ZBTB16: variants seen among roughly 807,000 people sequenced by gnomAD.
ZBTB16 encodes the protein zinc finger and BTB domain containing 16.
Under a neutral mutation model 56.8 loss-of-function variants are expected in ZBTB16, and 8 were observed. The observed-to-expected ratio is 0.14, with a 90% CI of 0.08 to 0.25. ZBTB16 has a LOEUF of 0.25. Ranked by LOEUF, ZBTB16 falls within the 10% of genes least tolerant of loss-of-function variation. The probability of loss-of-function intolerance (pLI) is 1.00; values close to 1 mark genes in which losing one functional copy is unlikely to be tolerated. For synonymous variants in ZBTB16, 363 were observed against 368.5 expected, an observed-to-expected ratio of 0.98 and a Z score of 0.17; for missense variants, 625 against 903.0, an observed-to-expected ratio of 0.69 and a Z score of 3.95.
chr11:114,161,036 G>A (rs1319127007), intron 3 of ZBTB16, among the ~76,000 whole-genome samples: 1 of 152,136 alleles, frequency 6.6e-6, no homozygotes, highest in Admixed American at 6.5e-5. Context: ...CCCCTTTTGG[G>A]GATCTGGCAT....
intron 3 of ZBTB16, among the ~76,000 whole-genome samples, chr11:114,161,522 A>G (rs568807204): frequency 2.6e-5 from 4 of 152,252 alleles, no homozygotes; most frequent in Admixed American, 1.3e-4. Context: ...GAAATCTAGG[A>G]GAAATTCAGA....
At chr11:114,093,032 A>G (rs1201191780) in intron 2 of ZBTB16, among the ~76,000 whole-genome samples, 2 of 152,204 alleles carry the variant, frequency 1.3e-5, no homozygotes. Context: ...CTTTTAAAGA[A>G]GATTAAAAAA....
intron 2 of ZBTB16, among the ~76,000 whole-genome samples, chr11:114,087,367 C>A (rs1052296428): frequency 6.6e-6 from 1 of 152,134 alleles, no homozygotes; most frequent in African/African-American, 2.4e-5. Flanking sequence ...TTCACACATT[C>A]TTTTCCAGTA....
At chr11:114,207,169 G>GTC (rs1041574874) in intron 4 of ZBTB16, among the ~76,000 whole-genome samples, 84 of 152,102 alleles carry the variant, frequency 5.5e-4, no homozygotes, top group Non-Finnish European at 8.8e-4. Context: ...CTGCTCTTGC[G>GTC]TCTCTCTCTC....
Position 114,256,742 on chromosome 11 carries a change from A to T in ZBTB16, c.*6187A>T, listed in dbSNP as rs763625165. Among the ~76,000 whole-genome samples, 44 of 152,138 alleles carry T rather than the reference A, an allele frequency of 2.9e-4. No individual in the cohort carries two copies. Among genetic ancestry groups the T allele is most frequent in the Non-Finnish European group, 4.6e-4 (31 of 68,020 alleles). On this transcript the variant is annotated 3_prime_UTR_variant, in exon 7 of 7. Coordinates refer to ENST00000335953, the MANE Select transcript of ZBTB16 (RefSeq NM_006006.6). Reference sequence around the variant, plus strand: ...CCGTGCAAGCTCTGCATTGTCATGGACGGAATAAAGGATTTCCACAACACT... The same window carrying T: ...CCGTGCAAGCTCTGCATTGTCATGGTCGGAATAAAGGATTTCCACAACACT...
intron 4 of ZBTB16, among the ~76,000 whole-genome samples, chr11:114,211,780 GA>G (rs899107982): frequency 6.6e-6 from 1 of 152,198 alleles, no homozygotes; most frequent in Non-Finnish European, 1.5e-5. Context: ...TGCAGTGGGG[GA>G]TTGGGAGGGC....
At chr11:114,111,279 G>A (rs1432337472) in intron 2 of ZBTB16, among the ~76,000 whole-genome samples, 1 of 152,068 alleles carries the variant, frequency 6.6e-6, no homozygotes, top group African/African-American at 2.4e-5. Flanking sequence ...AGTTTCCAGA[G>A]AGCTAAAGGC....
At chr11:114,091,591 A>G (rs561934854) in intron 2 of ZBTB16, among the ~76,000 whole-genome samples, 13 of 137,462 alleles carry the variant, frequency 9.5e-5, no homozygotes, top group Non-Finnish European at 1.9e-4. Context: ...CCTTTCCCCA[A>G]TCTTTTGTTC....
intron 4 of ZBTB16, among the ~76,000 whole-genome samples, chr11:114,191,363 A>C (rs1943489890): frequency 6.6e-6 from 1 of 152,198 alleles, no homozygotes; most frequent in African/African-American, 2.4e-5. Context: ...TAGATATGTA[A>C]ATACTTACCA....
chr11:114,235,704 TTTTC>T (rs1446444123), intron 4 of ZBTB16, among the ~76,000 whole-genome samples: 7 of 118,792 alleles, frequency 5.9e-5, no homozygotes, highest in Non-Finnish European at 1.1e-4. Flanking sequence ...TCTTTCTTTC[TTTTC>T]TTTCTTTCTT....
At chr11:114,187,409 G>A (rs1189249812) in intron 4 of ZBTB16, 2 of 290,478 alleles carry the variant, frequency 6.9e-6, no homozygotes, top group Non-Finnish European at 1.3e-5. Flanking sequence ...CCCATCTGAT[G>A]AAACTGAAAC....
At chr11:114,119,271 A>G (rs1941271997) in intron 2 of ZBTB16, among the ~76,000 whole-genome samples, 1 of 139,036 alleles carries the variant, frequency 7.2e-6, no homozygotes, top group Non-Finnish European at 1.5e-5. Context: ...TCTCAAAAAA[A>G]AAAAAAAAAA....
chr11:114,131,226 G>A (rs1941649327), intron 2 of ZBTB16, among the ~76,000 whole-genome samples: 2 of 152,150 alleles, frequency 1.3e-5, no homozygotes, highest in South Asian at 4.1e-4. Context: ...TGTGTAGTGG[G>A]TAGAGGCTGG....
At position 114,242,154 on chromosome 11, in the gene ZBTB16, C is replaced by T; in HGVS notation, c.1454-13C>T. 3 of 1,613,582 alleles carry T rather than the reference C, an allele frequency of 1.9e-6. No homozygotes were observed. Among genetic ancestry groups the T allele is most frequent in the Non-Finnish European group, 2.5e-6 (3 of 1,179,866 alleles). On this transcript the variant is annotated splice_polypyrimidine_tract_variant and intron_variant, in intron 4 of 6. Transcript: ENST00000335953. ...CCACCTTTCTGAGGCACCCCCTCTC[C>T]TGTCTCCCACAGGCACTGACATGGC...
At chr11:114,133,190 C>G (rs929283910) in intron 2 of ZBTB16, among the ~76,000 whole-genome samples, 1 of 152,056 alleles carries the variant, frequency 6.6e-6, no homozygotes, top group African/African-American at 2.4e-5. Flanking sequence ...GCTGAGGTGT[C>G]CAGACTCTCT....
intron 2 of ZBTB16, among the ~76,000 whole-genome samples, chr11:114,100,502 A>C (rs528429990): frequency 1.8e-4 from 27 of 152,300 alleles, no homozygotes; most frequent in Non-Finnish European, 3.4e-4. Context: ...GGGGACTAGT[A>C]TGTATTTAAT....
At chr11:114,183,507 C>T (rs1019167037) in intron 3 of ZBTB16, among the ~76,000 whole-genome samples, 7 of 152,336 alleles carry the variant, frequency 4.6e-5, no homozygotes, top group African/African-American at 1.4e-4. Flanking sequence ...TTCTAAGAAC[C>T]CTCCGCGCCA....
rs1945021883 is a variant in ZBTB16 at position 114,256,653 on chromosome 11, A to C, written c.*6098A>C. On this transcript the variant is annotated 3_prime_UTR_variant, in exon 7 of 7. Coordinates refer to ENST00000335953, the MANE Select transcript of ZBTB16 (RefSeq NM_006006.6). ...CCTGCCTGCGTCTGTAGCAGCCAAG[A>C]GCTGTTAAGAAAGGAGATTGGAGCA... Among the ~76,000 whole-genome samples the C allele has an allele frequency of 6.6e-6, 1 of 151,760 alleles. No homozygotes were observed.
In ZBTB16 at chr11:114,186,987, G is replaced by A. The variant is rs1943375700; in HGVS notation, c.1402G>A (p.Ala468Thr). 3 of 1,614,006 alleles carry A rather than the reference G, an allele frequency of 1.9e-6. No individual in the cohort carries two copies. The highest frequency in any genetic ancestry group is 1.7e-5 in the Admixed American group (1 of 59,990). ...AGCCTTTGTCTGTGATCAGTGCGGT[G>A]CACAGTTTTCGAAGGAGGATGCCCT... Reference protein sequence around the residue: ...AKAFVCDQCGAQFSKEDALET... With the variant: ...AKAFVCDQCGTQFSKEDALET... The change falls in exon 4 of 7, where the codon GCA (alanine) becomes ACA (threonine). Residue 468 changes from alanine to threonine, a missense_variant. Coordinates refer to ENST00000335953, the MANE Select transcript of ZBTB16 (RefSeq NM_006006.6).
Sources: allele counts gnomAD v4.1 joint callset (sites outside exome capture counted in the v4.1 genomes callset), GRCh38; gene constraint gnomAD v4.1.1; transcripts MANE v1.5; gene names NCBI Gene and HGNC (gene_info 2026-07-23, HGNC 2026-07-21).